RBFOX1: variants seen among roughly 807,000 people sequenced by gnomAD.
RBFOX1 encodes RNA binding fox-1 homolog 1, also known as RNA binding protein fox-1 homolog 1.
A neutral mutation model predicts 57.7 loss-of-function variants in RBFOX1; 8 were observed. The ratio of observed to expected loss-of-function variants is 0.14; its 90% CI spans 0.08 to 0.25. The LOEUF (loss-of-function observed/expected upper bound fraction) is 0.25, where lower values mean the gene tolerates loss of function less well. RBFOX1 is among the 10% of genes least tolerant of loss of function. The pLI is 1.00. For missense variants in RBFOX1, 611 were observed against 548.5 expected (o/e 1.11, Z -1.14); for synonymous variants, 326 against 222.4 (o/e 1.47, Z -4.15).
At chr16:7,432,072 A>C (rs1598299604) in intron 4 of RBFOX1, among the ~76,000 whole-genome samples, 1 of 152,206 alleles carries the variant, frequency 6.6e-6, no homozygotes, top group Non-Finnish European at 1.5e-5. Context: ...TCACTTCAGC[A>C]GTGGGGGCAG....
chr16:5,289,309 C>A, intron 1 of RBFOX1: 1 of 412,330 alleles, frequency 2.4e-6, no homozygotes, highest in Admixed American at 2.8e-5. Context: ...CATGGTCAGC[C>A]TCATTCCAGG....
chr16:6,055,600 A>G (rs1193529481), intron 1 of RBFOX1, among the ~76,000 whole-genome samples: 1 of 150,704 alleles, frequency 6.6e-6, no homozygotes, highest in Admixed American at 6.6e-5. Flanking sequence ...CAAAAAAAAA[A>G]AAAAAAAAAA....
intron 4 of RBFOX1, among the ~76,000 whole-genome samples, chr16:7,250,678 C>G (rs1040229009): frequency 1.3e-5 from 2 of 152,170 alleles, no homozygotes; most frequent in African/African-American, 4.8e-5. Context: ...TGAAGGACGT[C>G]ATACTGAATT....
chr16:5,640,480 C>CAT (rs2048825477), intron 3 of RBFOX1, among the ~76,000 whole-genome samples: 1 of 151,564 alleles, frequency 6.6e-6, no homozygotes, highest in Admixed American at 6.6e-5. Context: ...GTACACCATG[C>CAT]ACACACATAT....
At chr16:6,723,283 A>G (rs960927279) in intron 3 of RBFOX1, among the ~76,000 whole-genome samples, 1 of 152,214 alleles carries the variant, frequency 6.6e-6, no homozygotes, top group African/African-American at 2.4e-5. Context: ...TACCTGGACA[A>G]TCATTTAATA....
intron 4 of RBFOX1, among the ~76,000 whole-genome samples, chr16:7,185,900 A>T (rs17560772): frequency 6.6e-6 from 1 of 152,120 alleles, no homozygotes; most frequent in South Asian, 2.1e-4. Context: ...TTCTTGAGCA[A>T]TGATACAATT....
chr16:5,357,696 T>A (rs2065430006), intron 1 of RBFOX1, among the ~76,000 whole-genome samples: 1 of 152,228 alleles, frequency 6.6e-6, no homozygotes, highest in Non-Finnish European at 1.5e-5. Flanking sequence ...TCTTAAGGCC[T>A]GGCTGTGTCC....
intron 2 of RBFOX1, among the ~76,000 whole-genome samples, chr16:6,522,827 G>C (rs75300823): frequency 0.013 from 1,943 of 152,122 alleles, 44 homozygotes; most frequent in African/African-American, 0.044. Flanking sequence ...CAGGTTTTGT[G>C]GGGTATAGCC....
Position 7,209,263 on chromosome 16 carries a change from A to T in RBFOX1, c.27+157165A>T, listed in dbSNP as rs1603206922. Among the ~76,000 whole-genome samples the T allele has an allele frequency of 2.6e-5, 4 of 152,164 alleles. No individual in the cohort carries two copies. In the South Asian group the frequency reaches 8.3e-4, roughly 32 times the overall value. On this transcript the variant is annotated intron_variant, in intron 4 of 15. Coordinates refer to ENST00000550418, the MANE Select transcript of RBFOX1 (RefSeq NM_018723.4). The stretch of plus-strand genomic sequence containing the variant: ...GGCAGGAGAATCACTTGAACCCAAG[A>T]GGCAGAGGTTGCAGTGAGCTGATAT...
At chr16:6,625,139 T>C (rs1601871089) in intron 2 of RBFOX1, among the ~76,000 whole-genome samples, 1 of 112,366 alleles carries the variant, frequency 8.9e-6, no homozygotes, top group African/African-American at 3.5e-5. Context: ...CACTCCATCC[T>C]CGGCCACCAA....
At chr16:7,485,642 A>G (rs763667201) in intron 4 of RBFOX1, among the ~76,000 whole-genome samples, 3 of 152,298 alleles carry the variant, frequency 2.0e-5, no homozygotes, top group African/African-American at 4.8e-5. Context: ...TAAATAGAAG[A>G]TTGTTCTATC....
At chr16:6,647,056 C>G (rs1195875910) in intron 2 of RBFOX1, among the ~76,000 whole-genome samples, 1 of 152,072 alleles carries the variant, frequency 6.6e-6, no homozygotes, top group Non-Finnish European at 1.5e-5. Flanking sequence ...GTTCTTGTGT[C>G]TGGATATTCA....
At chr16:7,218,544 T>A (rs28536768) in intron 4 of RBFOX1, among the ~76,000 whole-genome samples, 3,082 of 151,976 alleles carry the variant, frequency 0.02, 103 homozygotes, top group African/African-American at 0.071. Context: ...TCACAGTAAT[T>A]GAGCTGAGAA....
chr16:6,011,390 C>T (rs2094960466), intron 4 of RBFOX1, among the ~76,000 whole-genome samples: 1 of 151,414 alleles, frequency 6.6e-6, no homozygotes, highest in South Asian at 2.1e-4. Flanking sequence ...TTTTATTGGC[C>T]TTTGGATCCC....
At position 7,600,247 on chromosome 16, in the gene RBFOX1, G is replaced by C. The variant is rs146874528; in HGVS notation, c.622+2816G>C. On this transcript the variant is annotated intron_variant, in intron 9 of 15. Transcript: ENST00000550418. ...CACATACTGTGTATGGCACCTAAGG[G>C]GTTGATGGATAGACACAGTAGAATT... 7.7e-3 allele frequency among the ~76,000 whole-genome samples: 1,169 copies of C among 152,172 alleles called. 12 individuals are homozygous for C. The highest frequency in any genetic ancestry group is 0.027 in the African/African-American group (1,113 of 41,490).
chr16:7,228,956 T>C (rs1016077071), intron 4 of RBFOX1, among the ~76,000 whole-genome samples: 1 of 151,998 alleles, frequency 6.6e-6, no homozygotes, highest in African/African-American at 2.4e-5. Context: ...TTACAAGGCT[T>C]TATATGGAAG....
intron 4 of RBFOX1, among the ~76,000 whole-genome samples, chr16:7,324,798 A>G (rs1436360839): frequency 6.6e-6 from 1 of 152,208 alleles, no homozygotes; most frequent in African/African-American, 2.4e-5. Context: ...TGTGGTTAGT[A>G]CTGCTGGTTA....
chr16:5,838,931 T>C (rs1214360871), intron 3 of RBFOX1, among the ~76,000 whole-genome samples: 3 of 152,196 alleles, frequency 2.0e-5, no homozygotes, highest in Non-Finnish European at 4.4e-5. Flanking sequence ...AGAGGTGTGC[T>C]TCTCAGCTGG....
At chr16:6,170,812 G>C (rs1197173121) in intron 1 of RBFOX1, among the ~76,000 whole-genome samples, 1 of 151,946 alleles carries the variant, frequency 6.6e-6, no homozygotes, top group Non-Finnish European at 1.5e-5. Context: ...GTTCTCTTTA[G>C]TACCGTTTAT....
Sources: gnomAD v4.1 joint callset for allele counts (sites outside exome capture counted in the v4.1 genomes callset) on GRCh38, gnomAD v4.1.1 for gene constraint, MANE v1.5 for transcripts, NCBI Gene and HGNC (gene_info 2026-07-23, HGNC 2026-07-21) for gene names.